Variants in DHRSX observed in about 807,000 individuals in gnomAD.
DHRSX encodes the protein polyprenol dehydrogenase.
A neutral mutation model predicts 34.0 loss-of-function variants in DHRSX; 31 were observed. The ratio of observed to expected loss-of-function variants is 0.91; its 90% CI spans 0.69 to 1.23. The LOEUF (loss-of-function observed/expected upper bound fraction) is 1.23. DHRSX is among the 50% of genes most tolerant of loss of function. The pLI is 0.00. For missense variants in DHRSX, 414 were observed against 428.1 expected (o/e 0.97, Z 0.29); for synonymous variants, 201 against 183.8 (o/e 1.09, Z -0.76).
intron 3 of DHRSX, among the ~76,000 whole-genome samples, chrX:2,389,388 G>GT (rs2043308861): frequency 6.6e-6 from 1 of 151,746 alleles, no homozygotes; most frequent in African/African-American, 2.4e-5. Flanking sequence ...TCCAGACTCT[G>GT]TTTTGTGATG....
At chrX:2,364,929 A>G (rs2042979977) in intron 3 of DHRSX, among the ~76,000 whole-genome samples, 3 of 152,148 alleles carry the variant, frequency 2.0e-5, no homozygotes, top group South Asian at 4.1e-4. Context: ...TGTCTAACTA[A>G]TATCTATCTA....
chrX:2,387,045 A>C (rs1431956124), intron 3 of DHRSX, among the ~76,000 whole-genome samples: 1 of 152,112 alleles, frequency 6.6e-6, no homozygotes, highest in Admixed American at 6.5e-5. Flanking sequence ...GAGTGATACA[A>C]ATCTTCTGAA....
chrX:2,443,649 T>G (rs2044090070), intron 1 of DHRSX, among the ~76,000 whole-genome samples: 1 of 152,018 alleles, frequency 6.6e-6, no homozygotes, highest in Non-Finnish European at 1.5e-5. Flanking sequence ...GAAGCAATGC[T>G]TTAAGGACAA....
At chrX:2,486,803 G>A (rs764897841) in intron 1 of DHRSX, 45 of 152,378 alleles carry the variant, frequency 3.0e-4, no homozygotes, top group Non-Finnish European at 8.8e-5. Flanking sequence ...AAGGTTACGT[G>A]GATTTCTCCC....
At chrX:2,283,809 C>T (rs1188789282) in intron 4 of DHRSX, among the ~76,000 whole-genome samples, 1 of 152,188 alleles carries the variant, frequency 6.6e-6, no homozygotes, top group Non-Finnish European at 1.5e-5. Context: ...TTTGAATTCA[C>T]TTGTTCCTTT....
intron 3 of DHRSX, among the ~76,000 whole-genome samples, chrX:2,390,795 A>G (rs1380610249): frequency 1.3e-5 from 2 of 152,202 alleles, no homozygotes; most frequent in South Asian, 4.1e-4. Flanking sequence ...GTTAGCCCAC[A>G]TTGCAGCATG....
chrX:2,283,568 C>G (rs936951054), intron 4 of DHRSX, among the ~76,000 whole-genome samples: 1 of 152,082 alleles, frequency 6.6e-6, no homozygotes, highest in African/African-American at 2.4e-5. Context: ...GATGGCTGCT[C>G]AGGTGTCCGT....
intron 1 of DHRSX, among the ~76,000 whole-genome samples, chrX:2,484,705 A>C (rs1418359421): frequency 6.6e-6 from 1 of 152,248 alleles, no homozygotes; most frequent in East Asian, 1.9e-4. Flanking sequence ...CGGAGCAGAA[A>C]TCACTGGGAA....
intron 3 of DHRSX, among the ~76,000 whole-genome samples, chrX:2,301,418 A>C (rs1030387816): frequency 1.3e-5 from 2 of 152,328 alleles, no homozygotes; most frequent in African/African-American, 4.8e-5. Context: ...ATCTCAAAAA[A>C]AAAGCTGTGT....
intron 1 of DHRSX, among the ~76,000 whole-genome samples, chrX:2,479,652 G>A (rs1305224056): frequency 1.5e-5 from 2 of 136,716 alleles, no homozygotes; most frequent in South Asian, 4.8e-4. Context: ...GAAGATGTTC[G>A]CTAAGCATGT....
intron 3 of DHRSX, among the ~76,000 whole-genome samples, chrX:2,393,105 CAT>C (rs1470374343): frequency 1.4e-5 from 2 of 146,414 alleles, no homozygotes; most frequent in East Asian, 2.0e-4. Context: ...CATAATACAT[CAT>C]ATATAATAAT....
chrX:2,490,578 G>A, intron 1 of DHRSX: 6 of 1,613,940 alleles, frequency 3.7e-6, no homozygotes, highest in Non-Finnish European at 5.1e-6. Flanking sequence ...ATGCAGATGC[G>A]GCAGTAGATT....
intron 3 of DHRSX, among the ~76,000 whole-genome samples, chrX:2,357,001 T>C (rs1396110606): frequency 2.6e-5 from 4 of 152,118 alleles, no homozygotes; most frequent in African/African-American, 7.2e-5. Flanking sequence ...CCCAGCACTT[T>C]GGGAGGCCAA....
At chrX:2,230,498 GATGA>G (rs1180329444) in intron 6 of DHRSX, among the ~76,000 whole-genome samples, 5 of 152,188 alleles carry the variant, frequency 3.3e-5, no homozygotes, top group African/African-American at 1.2e-4. Flanking sequence ...TGGGCTCTGT[GATGA>G]TTGAGTTCAC....
At chrX:2,456,111 A>C (rs1050627224) in intron 1 of DHRSX, among the ~76,000 whole-genome samples, 17 of 152,274 alleles carry the variant, frequency 1.1e-4, no homozygotes, top group African/African-American at 4.1e-4. Flanking sequence ...CACCAGCCTC[A>C]GGAACAGGGC....
At chrX:2,307,317 G>A (rs1403183027) in intron 3 of DHRSX, among the ~76,000 whole-genome samples, 5 of 152,218 alleles carry the variant, frequency 3.3e-5, no homozygotes, top group African/African-American at 1.2e-4. Context: ...CAAGAGCAGG[G>A]GAGGGAGAGG....
At chrX:2,222,384 C>T (rs900684931) in intron 6 of DHRSX, among the ~76,000 whole-genome samples, 31 of 152,196 alleles carry the variant, frequency 2.0e-4, no homozygotes, top group African/African-American at 7.5e-4. Flanking sequence ...TGGTGGCCAG[C>T]CCCATCTTGA....
chrX:2,352,108 C>T (rs1262694069), intron 3 of DHRSX, among the ~76,000 whole-genome samples: 1 of 152,110 alleles, frequency 6.6e-6, no homozygotes, highest in African/African-American at 2.4e-5. Flanking sequence ...CTGATGCTGG[C>T]AGTCATAGGG....
intron 3 of DHRSX, among the ~76,000 whole-genome samples, chrX:2,333,651 G>C (rs111563945): frequency 0.032 from 4,851 of 152,108 alleles, 265 homozygotes; most frequent in African/African-American, 0.11. Context: ...CTGACCTCGT[G>C]ATCTGCCCAC....
Sources: gnomAD v4.1 joint callset for allele counts (sites outside exome capture counted in the v4.1 genomes callset) on GRCh38, gnomAD v4.1.1 for gene constraint, MANE v1.5 for transcripts, NCBI Gene and HGNC (gene_info 2026-07-23, HGNC 2026-07-21) for gene names.